Variants in ERBB4 observed in about 807,000 individuals in gnomAD.
ERBB4 encodes the protein receptor tyrosine-protein kinase erbB-4.
A neutral mutation model predicts 158.0 loss-of-function variants in ERBB4; 42 were observed. The observed-to-expected ratio is 0.27, with a 90% CI of 0.21 to 0.34. The LOEUF is 0.34. Ranked by LOEUF, ERBB4 falls within the 10% of genes least tolerant of loss-of-function variation. The pLI is 1.00. For synonymous variants in ERBB4, 583 were observed against 558.7 expected, an observed-to-expected ratio of 1.04 and a Z score of -0.61; for missense variants, 1,333 against 1,624.1, an observed-to-expected ratio of 0.82 and a Z score of 3.08.
At chr2:211,999,620 G>A (rs2125275940) in intron 2 of ERBB4, among the ~76,000 whole-genome samples, 1 of 151,836 alleles carries the variant, frequency 6.6e-6, no homozygotes, top group East Asian at 1.9e-4. Flanking sequence ...ATCGGCATGG[G>A]CACAAAAGTT....
chr2:211,979,521 T>C (rs1222076583), intron 2 of ERBB4, among the ~76,000 whole-genome samples: 1 of 152,190 alleles, frequency 6.6e-6, no homozygotes, highest in Non-Finnish European at 1.5e-5. Context: ...CTGGTAATCC[T>C]TAAACTTAAT....
intron 22 of ERBB4, among the ~76,000 whole-genome samples, chr2:211,425,855 G>T (rs1002118391): frequency 5.9e-5 from 9 of 151,752 alleles, no homozygotes; most frequent in African/African-American, 2.2e-4. Context: ...GCTGATTTTC[G>T]TATTTTTTAG....
intron 20 of ERBB4, among the ~76,000 whole-genome samples, chr2:211,472,994 G>C (rs1168582022): frequency 6.6e-6 from 1 of 151,768 alleles, no homozygotes; most frequent in Non-Finnish European, 1.5e-5. Context: ...CTCCCCCAGG[G>C]ATATATGTGT....
intron 2 of ERBB4, among the ~76,000 whole-genome samples, chr2:212,003,149 GA>G (rs1361370456): frequency 0.024 from 269 of 11,382 alleles, 1 homozygote; most frequent in African/African-American, 0.037. Context: ...AGGAAGGAAG[GA>G]AAGAAAGAAA....
intron 1 of ERBB4, among the ~76,000 whole-genome samples, chr2:212,486,180 A>AT (rs1689969385): frequency 6.6e-6 from 1 of 152,152 alleles, no homozygotes; most frequent in African/African-American, 2.4e-5. Context: ...AGGTATAATA[A>AT]TAATAAAGAG....
At chr2:211,400,420 A>G (rs1005975515) in intron 25 of ERBB4, among the ~76,000 whole-genome samples, 3 of 152,126 alleles carry the variant, frequency 2.0e-5, no homozygotes, top group Non-Finnish European at 4.4e-5. Flanking sequence ...TTTATATACC[A>G]CAATAAAAGT....
intron 3 of ERBB4, among the ~76,000 whole-genome samples, chr2:211,838,630 G>A (rs991476): frequency 0.21 from 32,591 of 151,966 alleles, 3,639 homozygotes; most frequent in South Asian, 0.33. Context: ...ATGTGGGTAT[G>A]TCCAAAAATG....
chr2:212,006,443 T>C (rs1175491709), intron 2 of ERBB4, among the ~76,000 whole-genome samples: 2 of 152,122 alleles, frequency 1.3e-5, no homozygotes, highest in African/African-American at 4.8e-5. Flanking sequence ...TTTCTAGTTA[T>C]AGTCTCCTTG....
At chr2:211,503,458 T>C (rs1422793038) in intron 20 of ERBB4, among the ~76,000 whole-genome samples, 1 of 152,100 alleles carries the variant, frequency 6.6e-6, no homozygotes, top group Non-Finnish European at 1.5e-5. Context: ...GTTACCGCAA[T>C]GGGAGACCCA....
intron 2 of ERBB4, among the ~76,000 whole-genome samples, chr2:212,081,013 G>A (rs956013607): frequency 2.0e-5 from 3 of 152,128 alleles, no homozygotes; most frequent in Non-Finnish European, 4.4e-5. Flanking sequence ...TAACATGAGC[G>A]TTAGACATTA....
intron 20 of ERBB4, among the ~76,000 whole-genome samples, chr2:211,457,987 C>T (rs2064426070): frequency 6.7e-6 from 1 of 150,074 alleles, no homozygotes; most frequent in Non-Finnish European, 1.5e-5. Flanking sequence ...GGCTTTGCTA[C>T]TTTTTGATTT....
intron 20 of ERBB4, among the ~76,000 whole-genome samples, chr2:211,478,838 C>T (rs1294886679): frequency 6.6e-6 from 1 of 152,046 alleles, no homozygotes; most frequent in African/African-American, 2.4e-5. Context: ...GAAACAAAAC[C>T]AATTCCAGGA....
chr2:212,370,295 C>A lies in ERBB4; in HGVS notation c.82+168154G>T, dbSNP rs182854332. 7.5e-4 allele frequency among the ~76,000 whole-genome samples: 114 copies of A among 152,244 alleles called. 1 individual carries two copies. Among genetic ancestry groups the A allele is most frequent in the African/African-American group, 2.6e-3 (109 of 41,560 alleles). On this transcript the variant is annotated intron_variant, in intron 1 of 27. Coordinates refer to ENST00000342788, the MANE Select transcript of ERBB4 (RefSeq NM_005235.3). ...TGATTGAAAGTTTCCTGAGGCCTCC[C>A]CAGCCATGTGGAACTGTGAGTCAAT...
intron 1 of ERBB4, among the ~76,000 whole-genome samples, chr2:212,404,723 T>C (rs2091298205): frequency 6.6e-6 from 1 of 151,980 alleles, no homozygotes; most frequent in South Asian, 2.1e-4. Flanking sequence ...CACAGAGGTT[T>C]GCAGTACAGA....
intron 1 of ERBB4, among the ~76,000 whole-genome samples, chr2:212,288,812 T>G (rs1049445313): frequency 4.0e-5 from 6 of 151,532 alleles, no homozygotes; most frequent in African/African-American, 1.5e-4. Context: ...TACTCCTACC[T>G]AAAAAGAGTT....
At chr2:211,745,734 A>C (rs12620206) in intron 5 of ERBB4, among the ~76,000 whole-genome samples, 36,983 of 93,670 alleles carry the variant, frequency 0.39, 5,828 homozygotes, top group Non-Finnish European at 0.5. Flanking sequence ...CAAAAACAAA[A>C]CAAAAAAAAC....
At chr2:212,181,342 G>A (rs1263910111) in intron 1 of ERBB4, among the ~76,000 whole-genome samples, 1 of 151,580 alleles carries the variant, frequency 6.6e-6, no homozygotes, top group East Asian at 1.9e-4. Context: ...TGGTATATAA[G>A]ATACATAATA....
At chr2:211,487,735 C>T (rs1389739694) in intron 20 of ERBB4, among the ~76,000 whole-genome samples, 1 of 151,944 alleles carries the variant, frequency 6.6e-6, no homozygotes, top group African/African-American at 2.4e-5. Context: ...AGCAGAAAAG[C>T]CTGGTAGCAA....
chr2:211,845,871 G>T (rs1448073373), intron 3 of ERBB4, among the ~76,000 whole-genome samples: 1 of 152,010 alleles, frequency 6.6e-6, no homozygotes, highest in East Asian at 1.9e-4. Context: ...CCCTTTTGTT[G>T]TCTGGTTATC....
Sources: gnomAD v4.1 joint callset for allele counts (sites outside exome capture counted in the v4.1 genomes callset) on GRCh38, gnomAD v4.1.1 for gene constraint, MANE v1.5 for transcripts, NCBI Gene and HGNC (gene_info 2026-07-23, HGNC 2026-07-21) for gene names.